SDC1: variants seen among roughly 807,000 people sequenced by gnomAD.
SDC1 encodes syndecan 1.
SDC1 carries 14 observed loss-of-function variants against 29.7 expected under a neutral mutation model. That is an observed-to-expected ratio of 0.47 (90% confidence interval 0.31 to 0.74). The LOEUF is 0.74. Among genes scored for constraint, SDC1 ranks in the 30% least tolerant of loss-of-function variants. The pLI is 0.05. For synonymous variants in SDC1, 204 were observed against 175.5 expected (o/e 1.16, Z -1.29); for missense variants, 406 against 400.3 (o/e 1.01, Z -0.12).
Position 20,224,951 on chromosome 2 carries a change from T to C in SDC1, c.-84A>G. ...CTTCGCGGGTTCCGCTGCTCGATGC[T>C]CTCTTGGGCGCCTGCCCAGCGCGCC... On this transcript the variant is annotated 5_prime_UTR_variant, in exon 1 of 5. Transcript: ENST00000254351. This position sits in a 1 kb window ranked among gnomAD's most constrained non-coding sequence, Gnocchi z 4.9. 1.7e-6 allele frequency: 2 copies of C among 1,192,906 alleles called. No individual in the cohort carries two copies. Among genetic ancestry groups the C allele is most frequent in the Admixed American group, 4.5e-5 (1 of 22,340 alleles). 73.9% of individuals were successfully genotyped at this position (1,192,906 alleles called of 1,614,324 possible). A position where few individuals can be genotyped will look rare whatever the true frequency, so the allele number is the denominator to read the frequency against.
intron 2 of SDC1, among the ~76,000 whole-genome samples, chr2:20,204,573 G>T (rs566877686): frequency 1.3e-5 from 2 of 152,134 alleles, no homozygotes; most frequent in African/African-American, 4.8e-5. Flanking sequence ...TGACCACAGG[G>T]GTGGGGTGGG....
chr2:20,206,355 T>C (rs1010186933), intron 1 of SDC1, among the ~76,000 whole-genome samples: 18 of 152,086 alleles, frequency 1.2e-4, no homozygotes, highest in African/African-American at 4.1e-4. Flanking sequence ...AGGCCGGGGC[T>C]GACTGGCAGG....
At position 20,202,359 on chromosome 2, in the gene SDC1, G is replaced by A. The variant is rs983214988; in HGVS notation, c.*407C>T. 1.7e-4 allele frequency: 127 copies of A among 757,096 alleles called. 1 individual carries two copies. The South Asian group carries it at 1.8e-3, about 11-fold the overall frequency. 46.9% of individuals were successfully genotyped at this position (757,096 alleles called of 1,614,324 possible). A position where few individuals can be genotyped will look rare whatever the true frequency, so the allele number is the denominator to read the frequency against. On this transcript the variant is annotated 3_prime_UTR_variant, in exon 5 of 5. Coordinates refer to ENST00000254351, the MANE Select transcript of SDC1 (RefSeq NM_002997.5). ...CCAAGATGCTTGGTCCTACCAGTAA[G>A]TGCTACAGGTGTGTGAGCCCCAAGC...
intron 1 of SDC1, among the ~76,000 whole-genome samples, chr2:20,221,895 C>T (rs778097920): frequency 2.6e-5 from 4 of 152,160 alleles, no homozygotes; most frequent in South Asian, 2.1e-4. Flanking sequence ...TGAGCCTGAG[C>T]GGAGGCAGCT....
rs1677940989 is a variant in SDC1 at position 20,224,846 on chromosome 2, G to A, written c.22C>T (p.Leu8Phe). The change falls in exon 1 of 5, where the codon CTC (leucine) becomes TTC (phenylalanine). Residue 8 changes from leucine (L) to phenylalanine (F), a missense_variant. Leu to Phe is a conservative substitution (Grantham distance 22). Coordinates refer to ENST00000254351, the MANE Select transcript of SDC1 (RefSeq NM_002997.5). The surrounding 1 kb of genome is among the most constrained non-coding windows in gnomAD (Gnocchi z 4.9). ...CTCAGCGCCAGCGCGCACAGCCAGA[G>A]CCAGAGCGCCGCGCGCCTCATGCTG... MRRAALW[L>F]WLCALALSLQ... 3 of 1,261,110 alleles carry A rather than the reference G, an allele frequency of 2.4e-6. No homozygotes were observed. The highest frequency in any genetic ancestry group is 3.0e-6 in the Non-Finnish European group (3 of 1,004,888). 78.1% of individuals were successfully genotyped at this position (1,261,110 alleles called of 1,614,324 possible). A position where few individuals can be genotyped will look rare whatever the true frequency, so the allele number is the denominator to read the frequency against.
intron 1 of SDC1, among the ~76,000 whole-genome samples, chr2:20,219,772 C>T (rs959374244): frequency 3.9e-5 from 6 of 152,186 alleles, no homozygotes; most frequent in Non-Finnish European, 8.8e-5. Flanking sequence ...AGAAGGCAAT[C>T]GGGCAACAGT....
chr2:20,210,514 C>T (rs1677429624), intron 1 of SDC1, among the ~76,000 whole-genome samples: 1 of 152,212 alleles, frequency 6.6e-6, no homozygotes, highest in Non-Finnish European at 1.5e-5. Context: ...ACAACGCTCA[C>T]CCCAGGCACT....
chr2:20,216,266 T>C (rs141209763), intron 1 of SDC1, among the ~76,000 whole-genome samples: 83 of 152,276 alleles, frequency 5.5e-4, no homozygotes, highest in Middle Eastern at 6.8e-3. Context: ...GAAGATCTCA[T>C]GCAGCCCAAG....
intron 1 of SDC1, among the ~76,000 whole-genome samples, chr2:20,217,583 G>A (rs914909034): frequency 1.3e-5 from 2 of 152,138 alleles, no homozygotes; most frequent in Admixed American, 6.5e-5. Flanking sequence ...ACAGTCACTC[G>A]AGAGAGAGGA....
In SDC1 at chr2:20,203,121, T is replaced by G; in HGVS notation, c.729A>C (p.Ser243=). The stretch of plus-strand genomic sequence containing the variant: ...CCTCTTTCCTGTCCAGGAGGCCCTG[T>G]GAGGCCCCCGTGGCCCCCTGATCCA... ...SPVDQGATGA[S]QGLLDRKEVL... The change falls in exon 4 of 5, where the codon TCA becomes TCC. Residue 243 remains serine, a synonymous_variant. Transcript: ENST00000254351. The G allele has an allele frequency of 6.2e-7, 1 of 1,611,856 alleles. No homozygotes were observed. The highest frequency in any genetic ancestry group is 8.5e-7 in the Non-Finnish European group (1 of 1,178,528).
chr2:20,214,625 G>A (rs2148292314), intron 1 of SDC1, among the ~76,000 whole-genome samples: 1 of 152,270 alleles, frequency 6.6e-6, no homozygotes, highest in South Asian at 2.1e-4. Context: ...TGGCTGAAAG[G>A]GAGACTGTGG....
chr2:20,223,406 ACCCCGC>A, intron 1 of SDC1: 1 of 637,774 alleles, frequency 1.6e-6, no homozygotes, highest in Non-Finnish European at 2.5e-6. Context: ...CCGAGTGCCC[ACCCCGC>A]CCCCGCCCCT....
In SDC1 at chr2:20,203,365, G is replaced by A. The variant is rs543473867; in HGVS notation, c.628-143C>T. On this transcript the variant is annotated intron_variant, in intron 3 of 4. Transcript: ENST00000254351. ...GATGCACCCAAACCAGGATCGCACAGGGCCCGAAAGCCAGGCCTTCTTGCC... is the reference window on the plus strand; with the variant it reads ...GATGCACCCAAACCAGGATCGCACAAGGCCCGAAAGCCAGGCCTTCTTGCC... 4.3e-6 allele frequency: 4 copies of A among 935,714 alleles called. No homozygotes were observed. The South Asian group carries it at 8.6e-5, about 20-fold the overall frequency. 58.0% of individuals were successfully genotyped at this position (935,714 alleles called of 1,614,324 possible). A position where few individuals can be genotyped will look rare whatever the true frequency, so the allele number is the denominator to read the frequency against.
At chr2:20,218,004 C>A (rs1191560583) in intron 1 of SDC1, among the ~76,000 whole-genome samples, 1 of 152,208 alleles carries the variant, frequency 6.6e-6, no homozygotes, top group East Asian at 1.9e-4. Context: ...CCACCGATGA[C>A]CCCTTGGGCA....
intron 1 of SDC1, chr2:20,223,249 G>A (rs1431289349): frequency 7.7e-7 from 1 of 1,301,528 alleles, no homozygotes; most frequent in Non-Finnish European, 1.0e-6. Context: ...AGAAACGACT[G>A]TCCCTACCTC....
At chr2:20,220,624 T>G (rs1304632936) in intron 1 of SDC1, among the ~76,000 whole-genome samples, 1 of 152,236 alleles carries the variant, frequency 6.6e-6, no homozygotes, top group Non-Finnish European at 1.5e-5. Flanking sequence ...ATATCCATTA[T>G]GAAATGAATA....
At chr2:20,212,213 C>A (rs1341244286) in intron 1 of SDC1, among the ~76,000 whole-genome samples, 2 of 152,314 alleles carry the variant, frequency 1.3e-5, no homozygotes, top group East Asian at 3.9e-4. Context: ...GAGGGTGGCC[C>A]AGGGAAAATG....
chr2:20,225,081 C>T lies in SDC1; in HGVS notation c.-214G>A. ...TTCGGCCCGCACCTCTCCCGCCGAG[C>T]TCCGCCTTATAATAAACCCACAGGC... On this transcript the variant is annotated 5_prime_UTR_variant, in exon 1 of 5. Coordinates refer to ENST00000254351, the MANE Select transcript of SDC1 (RefSeq NM_002997.5). 1 of 472,556 alleles carries T rather than the reference C, an allele frequency of 2.1e-6. No homozygotes were observed. The highest frequency in any genetic ancestry group is 3.2e-6 in the Non-Finnish European group (1 of 315,462). 29.3% of individuals were successfully genotyped at this position (472,556 alleles called of 1,614,324 possible).
rs1025030169 is a variant in SDC1, at chr2:20,212,877, G to A, written c.67-7453C>T. Among the ~76,000 whole-genome samples, 94 of 152,316 alleles carry A rather than the reference G, an allele frequency of 6.2e-4. 2 individuals carry two copies. Among genetic ancestry groups the A allele is most frequent in the African/African-American group, 2.0e-3 (82 of 41,582 alleles). ...CCCCTCACTGTCCTGGGGGCTTCCA[G>A]GGCAGGGCCAGGGTGGAGGGACGGC... On this transcript the variant is annotated intron_variant, in intron 1 of 4. Coordinates refer to ENST00000254351, the MANE Select transcript of SDC1 (RefSeq NM_002997.5).
Sources: gnomAD v4.1 joint callset for allele counts (sites outside exome capture counted in the v4.1 genomes callset) on GRCh38, gnomAD v4.1.1 for gene constraint, Gnocchi (gnomAD v3.1) non-coding constraint, MANE v1.5 for transcripts, NCBI Gene and HGNC (gene_info 2026-07-23, HGNC 2026-07-21) for gene names.